MLLT1: variants seen among roughly 807,000 people sequenced by gnomAD.
MLLT1 encodes protein ENL.
In MLLT1, 11 loss-of-function variants were observed where a neutral mutation model predicts 55.1. The ratio of observed to expected loss-of-function variants is 0.20; its 90% confidence interval spans 0.13 to 0.33. The LOEUF is 0.33. Ranked by LOEUF, MLLT1 falls within the 10% of genes least tolerant of loss-of-function variation. The pLI, the probability that MLLT1 is intolerant of heterozygous loss-of-function variation, is 1.00. For missense variants in MLLT1, 536 were observed against 760.6 expected (o/e 0.70, Z 3.47); for synonymous variants, 323 against 320.1 (o/e 1.01, Z -0.10).
In MLLT1 at chr19:6,225,046, G is replaced by T. The variant is rs764121322; in HGVS notation, c.546+1931C>A. On this transcript the variant is annotated intron_variant, in intron 5 of 11. Transcript: ENST00000252674. ...AAGCCATCAAAATCACGTTTGCAAG[G>T]TTGTCTGCGAACCTCCACGGGAAAG... 3.3e-4 allele frequency among the ~76,000 whole-genome samples: 50 copies of T among 152,194 alleles called. 1 individual carries two copies. The highest frequency in any genetic ancestry group is 1.2e-3 in the Admixed American group (18 of 15,280).
chr19:6,277,539 G>A (rs1022301394), intron 1 of MLLT1, among the ~76,000 whole-genome samples: 8 of 152,108 alleles, frequency 5.3e-5, no homozygotes, highest in African/African-American at 1.4e-4. Flanking sequence ...CTGTGGTACC[G>A]GGCAGTGCAA....
intron 3 of MLLT1, among the ~76,000 whole-genome samples, chr19:6,248,925 T>TA (rs1163113745): frequency 3.3e-5 from 5 of 152,126 alleles, no homozygotes; most frequent in African/African-American, 9.7e-5. Flanking sequence ...ATTTCCAAAT[T>TA]AAAAAAATCG....
At position 6,236,659 on chromosome 19, in the gene MLLT1, G is replaced by A. The variant is rs567254314; in HGVS notation, c.277-5946C>T. On this transcript the variant is annotated intron_variant, in intron 3 of 11. Transcript: ENST00000252674. Reference sequence around the variant, plus strand: ...TCACGGGCACTGGGAATGACTAAACGGCATGCCCTCTACACGAGACCTGGG... The same window carrying A: ...TCACGGGCACTGGGAATGACTAAACAGCATGCCCTCTACACGAGACCTGGG... 3.9e-5 allele frequency among the ~76,000 whole-genome samples: 6 copies of A among 152,268 alleles called. No individual in the cohort carries two copies. The South Asian group carries it at 1.2e-3, about 32-fold the overall frequency.
At chr19:6,261,712 C>T (rs1170695078) in intron 3 of MLLT1, among the ~76,000 whole-genome samples, 1 of 152,068 alleles carries the variant, frequency 6.6e-6, no homozygotes. Context: ...ACTCCCACCA[C>T]CCAGATGACC....
intron 3 of MLLT1, among the ~76,000 whole-genome samples, chr19:6,258,831 C>A (rs371773595): frequency 6.6e-6 from 1 of 152,336 alleles, no homozygotes; most frequent in East Asian, 1.9e-4. Flanking sequence ...CTCCTTTGGG[C>A]CCTCTGAGGT....
At position 6,226,865 on chromosome 19, in the gene MLLT1, G is replaced by A. The variant is rs955031018; in HGVS notation, c.546+112C>T. ...GAGAGCTCAAAGAGGAAGACGCCAA[G>A]GGAGCGAGCAGGTGCGGAAGGCCCA... On this transcript the variant is annotated intron_variant, in intron 5 of 11. Transcript: ENST00000252674. The surrounding 1 kb of genome is among the most constrained non-coding windows in gnomAD (Gnocchi z 6.3). 1.1e-5 allele frequency: 9 copies of A among 822,830 alleles called. No individual in the cohort carries two copies. In the South Asian group the frequency reaches 2.0e-4, roughly 18 times the overall value. The allele number at this position is 822,830 out of a possible 1,614,324, so 51.0% of individuals were successfully genotyped here.
At chr19:6,270,000 C>T (rs2091382277) in intron 2 of MLLT1, among the ~76,000 whole-genome samples, 1 of 152,162 alleles carries the variant, frequency 6.6e-6, no homozygotes. Flanking sequence ...AGGAGGGCAT[C>T]CCTGATCATA....
In MLLT1 at chr19:6,219,986, C is replaced by A. The variant is rs77869671; in HGVS notation, c.1111-1945G>T. ...GATCAGAAGGGCCACCGGAGCACGCCCGGGGCTCAGAGGGAGGGCGGAGCA... is the reference window on the plus strand; with the variant it reads ...GATCAGAAGGGCCACCGGAGCACGCACGGGGCTCAGAGGGAGGGCGGAGCA... On this transcript the variant is annotated intron_variant, in intron 6 of 11. Transcript: ENST00000252674. This position sits in a 1 kb window ranked among gnomAD's most constrained non-coding sequence, Gnocchi z 4.5. Among the ~76,000 whole-genome samples the A allele has an allele frequency of 0.041, 6,299 of 152,332 alleles. 442 individuals are homozygous for A. Among genetic ancestry groups the A allele is most frequent in the African/African-American group, 0.14 (5,976 of 41,570 alleles).
At chr19:6,274,118 A>G (rs1444275068) in intron 1 of MLLT1, among the ~76,000 whole-genome samples, 1 of 152,216 alleles carries the variant, frequency 6.6e-6, no homozygotes, top group Non-Finnish European at 1.5e-5. Context: ...CACACCCCAG[A>G]CTTGGCCAAC....
At position 6,221,493 on chromosome 19, in the gene MLLT1, G is replaced by A. The variant is rs972023543; in HGVS notation, c.1110+628C>T. On this transcript the variant is annotated intron_variant, in intron 6 of 11. Transcript: ENST00000252674. ...TCTCATGGTGACAAGGCCGGTCCCTGACAGGGGTCCTCGTTCCAAGCTCAG... is the reference window on the plus strand; with the variant it reads ...TCTCATGGTGACAAGGCCGGTCCCTAACAGGGGTCCTCGTTCCAAGCTCAG... Among the ~76,000 whole-genome samples the A allele has an allele frequency of 3.3e-5, 5 of 152,234 alleles. No individual in the cohort carries two copies. In the East Asian group the frequency reaches 9.6e-4, roughly 29 times the overall value.
intron 3 of MLLT1, among the ~76,000 whole-genome samples, chr19:6,260,577 C>T (rs1174127963): frequency 6.6e-6 from 1 of 152,276 alleles, no homozygotes; most frequent in East Asian, 1.9e-4. Flanking sequence ...CGGAGCCAGG[C>T]AGCAGCCGGA....
Position 6,212,547 on chromosome 19 carries a change from G to A in MLLT1, c.*495C>T, listed in dbSNP as rs915512970. The A allele has an allele frequency of 6.5e-6, 7 of 1,077,550 alleles. No homozygotes were observed. The highest frequency in any genetic ancestry group is 7.9e-6 in the Non-Finnish European group (7 of 888,044). 66.7% of individuals were successfully genotyped at this position (1,077,550 alleles called of 1,614,324 possible). The stretch of plus-strand genomic sequence containing the variant: ...GCGCAGCGCGAGCCGGGGAGGAGCC[G>A]GCGCTAGGTCTACACGGAGGACGAC... On this transcript the variant is annotated 3_prime_UTR_variant, in exon 12 of 12. Coordinates refer to ENST00000252674, the MANE Select transcript of MLLT1 (RefSeq NM_005934.4).
In MLLT1 at chr19:6,273,245, C is replaced by T. The variant is rs765762504; in HGVS notation, c.13-2486G>A. On this transcript the variant is annotated intron_variant, in intron 1 of 11. Coordinates refer to ENST00000252674, the MANE Select transcript of MLLT1 (RefSeq NM_005934.4). This position sits in a 1 kb window ranked among gnomAD's most constrained non-coding sequence, Gnocchi z 4.3. ...TGGCAAACTAACAGCAACCCCAGCC[C>T]ATGAGGAGGCAACCAGAAGGAGTGG... 2.0e-5 allele frequency among the ~76,000 whole-genome samples: 3 copies of T among 152,056 alleles called. No individual in the cohort carries two copies. The highest frequency in any genetic ancestry group is 2.9e-5 in the Non-Finnish European group (2 of 67,998).
Position 6,211,389 on chromosome 19 carries a change from T to C in MLLT1, c.*1653A>G. On this transcript the variant is annotated 3_prime_UTR_variant, in exon 12 of 12. Transcript: ENST00000252674. The surrounding 1 kb of genome is among the most constrained non-coding windows in gnomAD (Gnocchi z 4.6). ...GGTTCTCGGGCCTTTCCCCGAGAGT[T>C]CTGGGGAGTTTCCCCAGGACAGCTG... The C allele has an allele frequency of 4.2e-6, 1 of 237,920 alleles. No homozygotes were observed. The highest frequency in any genetic ancestry group is 8.2e-6 in the Non-Finnish European group (1 of 122,492). 14.7% of individuals were successfully genotyped at this position (237,920 alleles called of 1,614,324 possible).
At position 6,211,182 on chromosome 19, in the gene MLLT1, TC is replaced by T. The variant is rs1227333238; in HGVS notation, c.*1859del. On this transcript the variant is annotated 3_prime_UTR_variant, in exon 12 of 12. Transcript: ENST00000252674. This position sits in a 1 kb window ranked among gnomAD's most constrained non-coding sequence, Gnocchi z 4.6. ...CCCGGTCAGCCCCCCTCAGGCCAGT[TC>T]CTTCAGTCCAATGTCTTAGTTTCCA... is the stretch of plus-strand genomic sequence containing the variant. 8.6e-6 allele frequency: 2 copies of T among 232,574 alleles called. No individual in the cohort carries two copies. Among genetic ancestry groups the T allele is most frequent in the Non-Finnish European group, 1.7e-5 (2 of 117,734 alleles). The allele number at this position is 232,574 out of a possible 1,614,324, so 14.4% of individuals were successfully genotyped here. A position where few individuals can be genotyped will look rare whatever the true frequency, so the allele number is the denominator to read the frequency against.
chr19:6,247,748 A>T (rs1048381689), intron 3 of MLLT1, among the ~76,000 whole-genome samples: 3 of 152,148 alleles, frequency 2.0e-5, no homozygotes, highest in Non-Finnish European at 4.4e-5. Flanking sequence ...GGATTTTCAA[A>T]TGTCTGCATT....
chr19:6,267,183 C>A (rs532060520), intron 2 of MLLT1, among the ~76,000 whole-genome samples: 2 of 151,994 alleles, frequency 1.3e-5, no homozygotes, highest in African/African-American at 4.8e-5. Flanking sequence ...CTCACTGCAA[C>A]CTCTGCATCC....
In MLLT1 at chr19:6,270,856, C is replaced by A; in HGVS notation, c.13-97G>T. On this transcript the variant is annotated intron_variant, in intron 1 of 11. Transcript: ENST00000252674. The surrounding 1 kb of genome is among the most constrained non-coding windows in gnomAD (Gnocchi z 7.1). ...GAGAACTTTCGATAAAGACCCCCAG[C>A]AGTGCAATACGCTCTCAACCCAGTG... 1 of 1,158,742 alleles carries A rather than the reference C, an allele frequency of 8.6e-7. No individual in the cohort carries two copies. The highest frequency in any genetic ancestry group is 1.2e-6 in the Non-Finnish European group (1 of 829,948). 71.8% of individuals were successfully genotyped at this position (1,158,742 alleles called of 1,614,324 possible). A position where few individuals can be genotyped will look rare whatever the true frequency, so the allele number is the denominator to read the frequency against.
chr19:6,226,769 C>A lies in MLLT1; in HGVS notation c.546+208G>T, dbSNP rs575181746. ...GTCTCTGGCCTCAAGATGAACAGGG[C>A]AAAGAGCCCATGATCACGGGCTTAT... is the stretch of plus-strand genomic sequence containing the variant. On this transcript the variant is annotated intron_variant, in intron 5 of 11. Coordinates refer to ENST00000252674, the MANE Select transcript of MLLT1 (RefSeq NM_005934.4). The surrounding 1 kb of genome is among the most constrained non-coding windows in gnomAD (Gnocchi z 6.3). 6.6e-6 allele frequency among the ~76,000 whole-genome samples: 1 copy of A among 152,142 alleles called. No homozygotes were observed. The highest frequency in any genetic ancestry group is 2.4e-5 in the African/African-American group (1 of 41,444).
Sources: allele counts gnomAD v4.1 joint callset (sites outside exome capture counted in the v4.1 genomes callset), GRCh38; gene constraint gnomAD v4.1.1; non-coding constraint Gnocchi (gnomAD v3.1); transcripts MANE v1.5; gene names NCBI Gene and HGNC (gene_info 2026-07-23, HGNC 2026-07-21).